The following DENND2A variants were observed in gnomAD, a reference collection of about 807,000 sequenced individuals.
DENND2A encodes DENN domain-containing protein 2A.
In DENND2A, 53 loss-of-function variants were observed where a neutral mutation model predicts 105.3. The observed-to-expected ratio is 0.50, with a 90% CI of 0.40 to 0.63. The LOEUF is 0.63. Among genes scored for constraint, DENND2A ranks in the 30% least tolerant of loss-of-function variants. The pLI is 0.00. For missense variants in DENND2A, 1,138 were observed against 1,279.6 expected (o/e 0.89, Z 1.69); for synonymous variants, 522 against 508.4 (o/e 1.03, Z -0.36).
chr7:140,543,844 G>A (rs182469525), intron 14 of DENND2A: 437 of 151,858 alleles, frequency 2.9e-3, no homozygotes, highest in Non-Finnish European at 4.7e-3. Context: ...CACCCGCCTC[G>A]GCCTCCCAAA....
chr7:140,572,669 G>A (rs1464773867), intron 6 of DENND2A, among the ~76,000 whole-genome samples: 2 of 148,206 alleles, frequency 1.3e-5, no homozygotes, highest in Non-Finnish European at 3.0e-5. Context: ...CAGGAGAATC[G>A]CTTGAACCCA....
At chr7:140,564,962 G>A (rs1563144673) in intron 9 of DENND2A, among the ~76,000 whole-genome samples, 1 of 152,326 alleles carries the variant, frequency 6.6e-6, no homozygotes, top group African/African-American at 2.4e-5. Flanking sequence ...ACCTGTAGTA[G>A]TGGGGTGTCA....
At chr7:140,609,515 G>C (rs1799815942) in intron 1 of DENND2A, among the ~76,000 whole-genome samples, 1 of 152,156 alleles carries the variant, frequency 6.6e-6, no homozygotes, top group African/African-American at 2.4e-5. Context: ...TCTTTTTTGA[G>C]AGTCTGTCTC....
Position 140,587,787 on chromosome 7 carries a change from T to C in DENND2A, c.996-7A>G. On this transcript the variant is annotated splice_region_variant and splice_polypyrimidine_tract_variant and intron_variant, in intron 3 of 19. Transcript: ENST00000496613. ...TTCAAACTCATAGGACTTTCTGGAA[T>C]GTGCCAGATGGGAGGAAAAAACAAA... 6.5e-7 allele frequency: 1 copy of C among 1,549,100 alleles called. No individual in the cohort carries two copies. Among genetic ancestry groups the C allele is most frequent in the Non-Finnish European group, 8.8e-7 (1 of 1,141,800 alleles).
At chr7:140,583,119 A>C (rs941282774) in intron 5 of DENND2A, among the ~76,000 whole-genome samples, 1 of 151,318 alleles carries the variant, frequency 6.6e-6, no homozygotes, top group Non-Finnish European at 1.5e-5. Flanking sequence ...GTGAAACCCC[A>C]TCTCTACTAA....
chr7:140,621,460 A>G (rs985632279), intron 1 of DENND2A, among the ~76,000 whole-genome samples: 2 of 152,210 alleles, frequency 1.3e-5, no homozygotes, highest in South Asian at 2.1e-4. Flanking sequence ...TAGTCTGTAC[A>G]TGTTCAGTAC....
At chr7:140,567,968 T>C (rs1797933631) in intron 8 of DENND2A, among the ~76,000 whole-genome samples, 1 of 151,732 alleles carries the variant, frequency 6.6e-6, no homozygotes, top group South Asian at 2.1e-4. Context: ...TGAGATAGAG[T>C]CTCACTCTGT....
chr7:140,551,520 C>A (rs1012288605), intron 12 of DENND2A, among the ~76,000 whole-genome samples: 3 of 151,988 alleles, frequency 2.0e-5, no homozygotes, highest in African/African-American at 7.2e-5. Flanking sequence ...ACATGTGGAC[C>A]AGGCCTGCGC....
chr7:140,555,823 T>C (rs4342501), intron 11 of DENND2A, 110 bp from the exon 12 acceptor site: 462,702 of 811,374 alleles, frequency 0.57, 138,126 homozygotes, highest in East Asian at 0.84. Flanking sequence ...CCACATATCA[T>C]AGCTCTGGAA....
At chr7:140,613,715 AAAAAT>A (rs1799989246) in intron 1 of DENND2A, among the ~76,000 whole-genome samples, 1 of 152,120 alleles carries the variant, frequency 6.6e-6, no homozygotes, top group East Asian at 1.9e-4. Context: ...ATTGTGAAAC[AAAAAT>A]AAAATCTCAG....
intron 7 of DENND2A, 122 bp downstream of exon 7, chr7:140,569,523 A>G: frequency 2.6e-6 from 2 of 757,006 alleles, no homozygotes; most frequent in East Asian, 4.9e-5. Flanking sequence ...AGTGCGGGAC[A>G]TTTACAAAGC....
Position 140,527,987 on chromosome 7 carries a change from C to T in DENND2A, c.2328-492G>A, listed in dbSNP as rs1268315315. 2.6e-5 allele frequency among the ~76,000 whole-genome samples: 4 copies of T among 151,840 alleles called. No homozygotes were observed. The highest frequency in any genetic ancestry group is 7.3e-5 in the African/African-American group (3 of 41,332). ...TCCTGAGTAGCTGGGACTGCAGGCA[C>T]GCGCCACCACACCTGGCTAATTTTT... On this transcript the variant is annotated intron_variant, in intron 14 of 19. Transcript: ENST00000496613. This position sits in a 1 kb window ranked among gnomAD's most constrained non-coding sequence, Gnocchi z 4.9.
Position 140,527,613 on chromosome 7 carries a change from G to T in DENND2A, c.2328-118C>A. 9.2e-7 allele frequency: 1 copy of T among 1,086,828 alleles called. No individual in the cohort carries two copies. Among genetic ancestry groups the T allele is most frequent in the East Asian group, 2.6e-5 (1 of 38,786 alleles). 67.3% of individuals were successfully genotyped at this position (1,086,828 alleles called of 1,614,324 possible). Reference sequence around the variant, plus strand: ...CTAGGAAAGGACACACGTGGATGTGGATCCGGTGGAGCACATGATGGTCTC... The same window carrying T: ...CTAGGAAAGGACACACGTGGATGTGTATCCGGTGGAGCACATGATGGTCTC... On this transcript the variant is annotated intron_variant, in intron 14 of 19. Coordinates refer to ENST00000496613, the MANE Select transcript of DENND2A (RefSeq NM_015689.5). This position sits in a 1 kb window ranked among gnomAD's most constrained non-coding sequence, Gnocchi z 4.9.
Position 140,523,272 on chromosome 7 carries a change from G to A in DENND2A, c.2665+35C>T, listed in dbSNP as rs1795927162. 2 of 1,601,254 alleles carry A rather than the reference G, an allele frequency of 1.2e-6. No individual in the cohort carries two copies. Among genetic ancestry groups the A allele is most frequent in the African/African-American group, 1.3e-5 (1 of 74,678 alleles). ...TTGTTCCCTGACCCTCAGAGTGGAA[G>A]GGAGAGACCCACTGGGAGGTGGCTG... On this transcript the variant is annotated intron_variant, in intron 17 of 19. Coordinates refer to ENST00000496613, the MANE Select transcript of DENND2A (RefSeq NM_015689.5). The surrounding 1 kb of genome is among the most constrained non-coding windows in gnomAD (Gnocchi z 4.5).
chr7:140,532,134 G>T (rs189923241), intron 14 of DENND2A, among the ~76,000 whole-genome samples: 1 of 152,022 alleles, frequency 6.6e-6, no homozygotes, highest in Non-Finnish European at 1.5e-5. Context: ...ATGTGGTGGC[G>T]GGTGCCTGTA....
chr7:140,567,384 G>T, intron 8 of DENND2A, 111 bp from the exon 9 acceptor site: 1 of 969,598 alleles, frequency 1.0e-6, no homozygotes, highest in Non-Finnish European at 1.5e-6. Context: ...ATGAGTCCAT[G>T]TGGAATTGTG....
At chr7:140,569,381 G>A (rs1350885503) in intron 7 of DENND2A, among the ~76,000 whole-genome samples, 3 of 152,228 alleles carry the variant, frequency 2.0e-5, no homozygotes, top group African/African-American at 4.8e-5. Flanking sequence ...GGCTAAGCAA[G>A]GAAGGCTGCT....
chr7:140,547,758 G>A (rs1044997515), intron 12 of DENND2A, among the ~76,000 whole-genome samples: 2 of 152,166 alleles, frequency 1.3e-5, no homozygotes, highest in Non-Finnish European at 2.9e-5. Context: ...CTGATGAAGT[G>A]ATAAACAAAA....
intron 4 of DENND2A, among the ~76,000 whole-genome samples, chr7:140,587,281 G>T (rs1341966118): frequency 6.6e-6 from 1 of 152,102 alleles, no homozygotes; most frequent in Non-Finnish European, 1.5e-5. Context: ...TTATGCAGAT[G>T]GGAGAACTCA....
Sources: gnomAD v4.1 joint callset for allele counts (sites outside exome capture counted in the v4.1 genomes callset) on GRCh38, gnomAD v4.1.1 for gene constraint, Gnocchi (gnomAD v3.1) non-coding constraint, MANE v1.5 for transcripts, NCBI Gene and HGNC (gene_info 2026-07-23, HGNC 2026-07-21) for gene names.